The following PACSIN2 variants were observed in gnomAD, a reference collection of about 807,000 sequenced individuals.
PACSIN2 encodes the protein protein kinase C and casein kinase substrate in neurons 2.
A neutral mutation model predicts 63.8 loss-of-function variants in PACSIN2; 25 were observed. The observed-to-expected ratio is 0.39, with a 90% CI of 0.29 to 0.55. PACSIN2 has a LOEUF of 0.55. Ranked by LOEUF, PACSIN2 falls within the 20% of genes least tolerant of loss-of-function variation. The pLI is 0.62. For synonymous variants in PACSIN2, 255 were observed against 256.2 expected, an observed-to-expected ratio of 1.00 and a Z score of 0.05; for missense variants, 518 against 646.9, an observed-to-expected ratio of 0.80 and a Z score of 2.16.
At chr22:42,960,646 G>A (rs1300713665) in intron 1 of PACSIN2, among the ~76,000 whole-genome samples, 1 of 152,166 alleles carries the variant, frequency 6.6e-6, no homozygotes, top group Admixed American at 6.5e-5. Flanking sequence ...GATTCCCTTT[G>A]GATCCAGCAC....
At chr22:42,888,829 G>A (rs1929687479) in intron 4 of PACSIN2, 31 bp from the exon 5 acceptor site, 2 of 1,610,412 alleles carry the variant, frequency 1.2e-6, no homozygotes. Context: ...TGAATGCCAT[G>A]TCACTGGGAG....
rs1192920982 is a variant in PACSIN2 at position 43,015,008 on chromosome 22, G to T, written c.-78+13C>A. ...AACCGTCGCGGCGACCCCTGACCTC[G>T]GCGGCCACTCACCTCCCAATCCGTC... On this transcript the variant is annotated intron_variant, in intron 1 of 10. Transcript: ENST00000263246. The T allele has an allele frequency of 1.3e-5, 2 of 151,416 alleles. No individual in the cohort carries two copies. Among genetic ancestry groups the T allele is most frequent in the Non-Finnish European group, 2.9e-5 (2 of 67,834 alleles). The allele number at this position is 151,416 out of a possible 1,614,324, so 9.4% of individuals were successfully genotyped here.
rs78395694 is a variant in PACSIN2, at chr22:42,886,415, TGTAGGTAG to T, written c.610-1862_610-1855del. On this transcript the variant is annotated intron_variant, in intron 5 of 10. Transcript: ENST00000263246. Reference sequence around the variant, plus strand: ...TGCAACCAGTCAGCAATGGTATGTATGTAGGTAGGTAGGTAGGTAGGTAGGTAGGTAGG... The same window carrying T: ...TGCAACCAGTCAGCAATGGTATGTATGTAGGTAGGTAGGTAGGTAGGTAGG... Among the ~76,000 whole-genome samples, 345 of 144,986 alleles carry T rather than the reference TGTAGGTAG, an allele frequency of 2.4e-3. 1 individual carries two copies. Among genetic ancestry groups the T allele is most frequent in the East Asian group, 0.023 (114 of 4,916 alleles).
chr22:43,009,410 G>C (rs954518751), intron 1 of PACSIN2, among the ~76,000 whole-genome samples: 1 of 152,210 alleles, frequency 6.6e-6, no homozygotes, highest in African/African-American at 2.4e-5. Flanking sequence ...CAGGAAAATA[G>C]GATTACAGAA....
chr22:43,005,980 A>C (rs548891576), intron 1 of PACSIN2, among the ~76,000 whole-genome samples: 1 of 151,802 alleles, frequency 6.6e-6, no homozygotes, highest in African/African-American at 2.4e-5. Flanking sequence ...TTTTGTTGAG[A>C]TAGGGTCTCA....
intron 1 of PACSIN2, among the ~76,000 whole-genome samples, chr22:42,918,942 G>C (rs757409350): frequency 6.6e-6 from 1 of 152,122 alleles, no homozygotes; most frequent in African/African-American, 2.4e-5. Context: ...TTCTGAGAGC[G>C]ATTGTTTCTT....
At chr22:42,879,009 T>C (rs1463972769) in intron 8 of PACSIN2, 39 bp downstream of exon 8, 2 of 1,596,214 alleles carry the variant, frequency 1.3e-6, no homozygotes, top group East Asian at 2.2e-5. Context: ...GCCCCCACCA[T>C]GGAACGGCCT....
At chr22:42,933,495 AT>A (rs1490330381) in intron 1 of PACSIN2, among the ~76,000 whole-genome samples, 2 of 152,256 alleles carry the variant, frequency 1.3e-5, no homozygotes, top group Non-Finnish European at 2.9e-5. Context: ...ACCCATGTTC[AT>A]GTTTGAGGGG....
intron 1 of PACSIN2, among the ~76,000 whole-genome samples, chr22:42,979,755 G>C (rs1921953379): frequency 6.6e-6 from 1 of 152,120 alleles, no homozygotes; most frequent in Non-Finnish European, 1.5e-5. Flanking sequence ...GCCTCCTCTA[G>C]GCTGGGAGAT....
rs529792276 is a variant in PACSIN2, at chr22:42,923,839, C to A, written c.-77-11682G>T. Among the ~76,000 whole-genome samples the A allele has an allele frequency of 1.6e-3, 242 of 152,096 alleles. 1 individual carries two copies. The highest frequency in any genetic ancestry group is 3.4e-3 in the Middle Eastern group (1 of 294). Reference sequence around the variant, plus strand: ...TCTGCTTGAAGCCAGGAATTCAAGACCAGCCTAGGCAAGATGGTGAGATCC... The same window carrying A: ...TCTGCTTGAAGCCAGGAATTCAAGAACAGCCTAGGCAAGATGGTGAGATCC... On this transcript the variant is annotated intron_variant, in intron 1 of 10. Transcript: ENST00000263246.
At position 42,936,892 on chromosome 22, in the gene PACSIN2, C is replaced by A. The variant is rs1013303668; in HGVS notation, c.-77-24735G>T. Among the ~76,000 whole-genome samples the A allele has an allele frequency of 3.8e-4, 51 of 133,906 alleles. 1 individual carries two copies. The highest frequency in any genetic ancestry group is 1.4e-3 in the African/African-American group (48 of 35,056). 87.8% of individuals were successfully genotyped at this position (133,906 alleles called of 152,430 possible). On this transcript the variant is annotated intron_variant, in intron 1 of 10. Coordinates refer to ENST00000263246, the MANE Select transcript of PACSIN2 (RefSeq NM_001184970.3). ...TGCCATAGCACTCCAGCCTGGGCAA[C>A]ACAGCAAGACTCTGCCTCAAAAAAA...
At chr22:42,883,733 C>T (rs183173519) in intron 6 of PACSIN2, among the ~76,000 whole-genome samples, 17 of 152,324 alleles carry the variant, frequency 1.1e-4, no homozygotes, top group African/African-American at 1.7e-4. Context: ...CGGCCAGGTG[C>T]GGTGGCTCAC....
intron 1 of PACSIN2, among the ~76,000 whole-genome samples, chr22:42,971,002 C>T (rs1207754178): frequency 2.0e-5 from 3 of 152,242 alleles, no homozygotes; most frequent in African/African-American, 7.2e-5. Context: ...CACCACCTCT[C>T]ACCACTCAGC....
chr22:42,874,049 C>A (rs1265260462), intron 10 of PACSIN2, among the ~76,000 whole-genome samples: 2 of 152,160 alleles, frequency 1.3e-5, no homozygotes, highest in East Asian at 3.9e-4. Flanking sequence ...CTTGGCCTCG[C>A]AAAGTGCTGG....
chr22:42,955,428 T>C (rs892865986), intron 1 of PACSIN2, among the ~76,000 whole-genome samples: 7 of 151,892 alleles, frequency 4.6e-5, no homozygotes, highest in African/African-American at 1.7e-4. Context: ...CTCAGGTGCC[T>C]GCATGTCTAC....
chr22:42,899,120 T>A (rs1811119970), intron 2 of PACSIN2, among the ~76,000 whole-genome samples: 2 of 152,018 alleles, frequency 1.3e-5, no homozygotes, highest in Admixed American at 1.3e-4. Flanking sequence ...CCTAAGAGGG[T>A]GTGGACCTGT....
intron 1 of PACSIN2, among the ~76,000 whole-genome samples, chr22:42,964,526 T>C (rs1272038515): frequency 6.6e-6 from 1 of 151,948 alleles, no homozygotes; most frequent in African/African-American, 2.4e-5. Context: ...AGTCTTTCCC[T>C]AGCAGGCTAA....
At chr22:42,930,804 C>T (rs1932766565) in intron 1 of PACSIN2, among the ~76,000 whole-genome samples, 1 of 152,152 alleles carries the variant, frequency 6.6e-6, no homozygotes, top group Non-Finnish European at 1.5e-5. Flanking sequence ...AAATAACGTG[C>T]CCAAGTCACA....
At chr22:42,989,358 T>TCCAC (rs1361164465) in intron 1 of PACSIN2, among the ~76,000 whole-genome samples, 1 of 146,836 alleles carries the variant, frequency 6.8e-6, no homozygotes, top group Non-Finnish European at 1.5e-5. Flanking sequence ...ATTAGCTGGG[T>TCCAC]GTGGTGGTGG....
Sources: allele counts gnomAD v4.1 joint callset (sites outside exome capture counted in the v4.1 genomes callset), GRCh38; gene constraint gnomAD v4.1.1; transcripts MANE v1.5; gene names NCBI Gene and HGNC (gene_info 2026-07-23, HGNC 2026-07-21).